Variants in SNCB observed in about 807,000 individuals in gnomAD.
SNCB encodes the protein beta-synuclein.
SNCB carries 8 observed loss-of-function variants against 20.0 expected under a neutral mutation model. The observed-to-expected ratio is 0.40, with a 90% CI of 0.24 to 0.72. The LOEUF is 0.72. SNCB is among the 30% of genes least tolerant of loss of function. The pLI, the probability that SNCB is intolerant of heterozygous loss-of-function variation, is 0.37. For synonymous variants in SNCB, 56 were observed against 65.4 expected, an observed-to-expected ratio of 0.86 and a Z score of 0.69; for missense variants, 125 against 168.0, an observed-to-expected ratio of 0.74 and a Z score of 1.41.
chr5:176,624,637 C>T (rs898367020), intron 4 of SNCB, among the ~76,000 whole-genome samples: 3 of 151,864 alleles, frequency 2.0e-5, no homozygotes, highest in Non-Finnish European at 4.4e-5. Context: ...CCCGTCTCTA[C>T]TAAAAATACA....
In SNCB at chr5:176,620,842, T is replaced by A. The variant is rs776851245; in HGVS notation, c.374A>T (p.Glu125Val). The stretch of plus-strand genomic sequence containing the variant: ...CTCTGGCTCATACTCCTGATATTCC[T>A]CCTGCATCACCGGGATGGGGGTGGA... ...EGESYEDPPQ[E>V]EYQEYEPEA Residue 125 changes from glutamate (E) to valine (V), a missense_variant and splice_region_variant, in exon 6 of 6, where the codon GAG becomes GTG. Coordinates refer to ENST00000393693, the MANE Select transcript of SNCB (RefSeq NM_003085.5). This position sits in a 1 kb window ranked among gnomAD's most constrained non-coding sequence, Gnocchi z 4.5. The A allele has an allele frequency of 6.2e-7, 1 of 1,613,646 alleles. No individual in the cohort carries two copies. The highest frequency in any genetic ancestry group is 1.7e-5 in the Admixed American group (1 of 60,010).
chr5:176,629,233 TAAC>T lies in SNCB; in HGVS notation c.121+298_121+300del, dbSNP rs1453362587. On this transcript the variant is annotated intron_variant, in intron 2 of 5. Transcript: ENST00000393693. This position sits in a 1 kb window ranked among gnomAD's most constrained non-coding sequence, Gnocchi z 4.1. ...CATACAGAAAGTGTTCAACACCAGA[TAAC>T]TATTAATAATGGTAAAAAAGATAAG... Among the ~76,000 whole-genome samples, 2 of 152,152 alleles carry T rather than the reference TAAC, an allele frequency of 1.3e-5. No individual in the cohort carries two copies. The highest frequency in any genetic ancestry group is 4.8e-5 in the African/African-American group (2 of 41,422).
In SNCB at chr5:176,629,309, C is replaced by G. The variant is rs1760178174; in HGVS notation, c.121+225G>C. On this transcript the variant is annotated intron_variant, in intron 2 of 5. Coordinates refer to ENST00000393693, the MANE Select transcript of SNCB (RefSeq NM_003085.5). The surrounding 1 kb of genome is among the most constrained non-coding windows in gnomAD (Gnocchi z 4.1). ...ATCACTGCACTGGTCCCTGGCCTTTCAGCTGGAGCCCCCCACCTCATCAGC... is the reference window on the plus strand; with the variant it reads ...ATCACTGCACTGGTCCCTGGCCTTTGAGCTGGAGCCCCCCACCTCATCAGC... 9 of 582,558 alleles carry G rather than the reference C, an allele frequency of 1.5e-5. 1 individual carries two copies. The South Asian group carries it at 1.7e-4, about 11-fold the overall frequency. 36.1% of individuals were successfully genotyped at this position (582,558 alleles called of 1,614,324 possible). A position where few individuals can be genotyped will look rare whatever the true frequency, so the allele number is the denominator to read the frequency against.
rs977568214 is a variant in SNCB at position 176,626,028 on chromosome 5, G to A, written c.282+370C>T. Among the ~76,000 whole-genome samples the A allele has an allele frequency of 1.5e-4, 23 of 152,082 alleles. 1 individual carries two copies. Among genetic ancestry groups the A allele is most frequent in the African/African-American group, 4.1e-4 (17 of 41,398 alleles). On this transcript the variant is annotated intron_variant, in intron 4 of 5. Coordinates refer to ENST00000393693, the MANE Select transcript of SNCB (RefSeq NM_003085.5). This position sits in a 1 kb window ranked among gnomAD's most constrained non-coding sequence, Gnocchi z 4.2. Reference sequence around the variant, plus strand: ...AGGAACGTAGGAACCTATTCACTGCGGCAGCCTCTACAACAATTCCTCTCT... The same window carrying A: ...AGGAACGTAGGAACCTATTCACTGCAGCAGCCTCTACAACAATTCCTCTCT...
Position 176,626,592 on chromosome 5 carries a change from A to G in SNCB, c.164-76T>C. On this transcript the variant is annotated intron_variant, in intron 3 of 5. Coordinates refer to ENST00000393693, the MANE Select transcript of SNCB (RefSeq NM_003085.5). The surrounding 1 kb of genome is among the most constrained non-coding windows in gnomAD (Gnocchi z 4.2). ...CCGATGCCCTGCCTTGTAGTATCCC[A>G]GGGCCTGCCCTCCCCACGGAGCATT... The G allele has an allele frequency of 6.6e-7, 1 of 1,507,190 alleles. No individual in the cohort carries two copies. The highest frequency in any genetic ancestry group is 9.2e-7 in the Non-Finnish European group (1 of 1,082,744). 93.4% of individuals were successfully genotyped at this position (1,507,190 alleles called of 1,614,324 possible).
rs184879046 is a variant in SNCB at position 176,620,707 on chromosome 5, G to A, written c.*104C>T. ...GGGGGTTGCCTCAGAGCGGAAGGAA[G>A]ATCTCGTGATTGGGGAGAAGGAGTC... On this transcript the variant is annotated 3_prime_UTR_variant, in exon 6 of 6. Transcript: ENST00000393693. This position sits in a 1 kb window ranked among gnomAD's most constrained non-coding sequence, Gnocchi z 4.5. The A allele has an allele frequency of 2.7e-4, 229 of 837,430 alleles. No individual in the cohort carries two copies. Among genetic ancestry groups the A allele is most frequent in the Middle Eastern group, 1.1e-3 (4 of 3,572 alleles). 51.9% of individuals were successfully genotyped at this position (837,430 alleles called of 1,614,324 possible). A position where few individuals can be genotyped will look rare whatever the true frequency, so the allele number is the denominator to read the frequency against.
intron 2 of SNCB, among the ~76,000 whole-genome samples, chr5:176,628,480 C>T: frequency 6.6e-6 from 1 of 152,198 alleles, no homozygotes; most frequent in East Asian, 1.9e-4. Flanking sequence ...ATGGCAGTCC[C>T]TTGCTTACAG....
intron 2 of SNCB, among the ~76,000 whole-genome samples, chr5:176,627,046 G>A (rs951739362): frequency 3.3e-5 from 5 of 152,206 alleles, no homozygotes; most frequent in Admixed American, 6.5e-5. Context: ...TGCCTGCCCC[G>A]CTGCACTTCA....
At chr5:176,625,446 TG>T (rs1256323991) in intron 4 of SNCB, among the ~76,000 whole-genome samples, 1 of 152,218 alleles carries the variant, frequency 6.6e-6, no homozygotes, top group Non-Finnish European at 1.5e-5. Flanking sequence ...ATCTCCAATC[TG>T]CATGAGATTC....
intron 2 of SNCB, among the ~76,000 whole-genome samples, chr5:176,628,984 C>A (rs1448607298): frequency 6.6e-6 from 1 of 152,006 alleles, no homozygotes; most frequent in Non-Finnish European, 1.5e-5. Context: ...ACCTGGAACG[C>A]AACTCAACTC....
At chr5:176,622,688 G>C (rs1759675135) in intron 4 of SNCB, among the ~76,000 whole-genome samples, 1 of 150,876 alleles carries the variant, frequency 6.6e-6, no homozygotes, top group African/African-American at 2.4e-5. Context: ...CTGATGAATG[G>C]AGGAAGCCAG....
At chr5:176,625,431 A>G (rs1434464632) in intron 4 of SNCB, among the ~76,000 whole-genome samples, 1 of 152,180 alleles carries the variant, frequency 6.6e-6, no homozygotes, top group Non-Finnish European at 1.5e-5. Flanking sequence ...GAGAATATCT[A>G]TATTATCTCC....
At position 176,629,815 on chromosome 5, in the gene SNCB, C is replaced by A; in HGVS notation, c.-9-152G>T. The A allele has an allele frequency of 9.2e-7, 1 of 1,083,178 alleles. No homozygotes were observed. The highest frequency in any genetic ancestry group is 1.7e-5 in the South Asian group (1 of 59,392). The allele number at this position is 1,083,178 out of a possible 1,614,324, so 67.1% of individuals were successfully genotyped here. On this transcript the variant is annotated intron_variant, in intron 1 of 5. Transcript: ENST00000393693. The surrounding 1 kb of genome is among the most constrained non-coding windows in gnomAD (Gnocchi z 4.1). ...CGCTTTCCCCCCATCCCACCCCACT[C>A]CCCAGTGCGAAGCCTCAGGGCCGCG...
At chr5:176,627,659 G>A (rs562909120) in intron 2 of SNCB, among the ~76,000 whole-genome samples, 2 of 83,664 alleles carry the variant, frequency 2.4e-5, no homozygotes, top group South Asian at 1.4e-3. Flanking sequence ...TGAGCCCGGC[G>A]GGGGGGTGGG....
chr5:176,629,396 A>G lies in SNCB; in HGVS notation c.121+138T>C, dbSNP rs761726948. The G allele has an allele frequency of 1.9e-5, 17 of 916,362 alleles. No homozygotes were observed. The highest frequency in any genetic ancestry group is 6.6e-5 in the African/African-American group (4 of 60,380). 56.8% of individuals were successfully genotyped at this position (916,362 alleles called of 1,614,324 possible). ...CTTCTATGGGCTGGCTATGTCCCCT[A>G]TGACCCCTGCTGACCTCGCCCCATC... On this transcript the variant is annotated intron_variant, in intron 2 of 5. Coordinates refer to ENST00000393693, the MANE Select transcript of SNCB (RefSeq NM_003085.5). This position sits in a 1 kb window ranked among gnomAD's most constrained non-coding sequence, Gnocchi z 4.1.
rs1362899558 is a variant in SNCB at position 176,626,533 on chromosome 5, G to A, written c.164-17C>T. On this transcript the variant is annotated splice_polypyrimidine_tract_variant and intron_variant, in intron 3 of 5. Coordinates refer to ENST00000393693, the MANE Select transcript of SNCB (RefSeq NM_003085.5). The surrounding 1 kb of genome is among the most constrained non-coding windows in gnomAD (Gnocchi z 4.2). ...TTTCAGCCACTGGAGCAGGGAGGGGGTTGAGGAAGGGGTTTGGGAGCCAGG... is the reference window on the plus strand; with the variant it reads ...TTTCAGCCACTGGAGCAGGGAGGGGATTGAGGAAGGGGTTTGGGAGCCAGG... 6 of 1,597,076 alleles carry A rather than the reference G, an allele frequency of 3.8e-6. No individual in the cohort carries two copies. The highest frequency in any genetic ancestry group is 1.1e-5 in the South Asian group (1 of 90,724).
rs576299160 is a variant in SNCB at position 176,626,220 on chromosome 5, G to A, written c.282+178C>T. Among the ~76,000 whole-genome samples the A allele has an allele frequency of 5.3e-5, 8 of 152,248 alleles. No homozygotes were observed. In the South Asian group the frequency reaches 1.2e-3, roughly 24 times the overall value. On this transcript the variant is annotated intron_variant, in intron 4 of 5. Transcript: ENST00000393693. This position sits in a 1 kb window ranked among gnomAD's most constrained non-coding sequence, Gnocchi z 4.2. The stretch of plus-strand genomic sequence containing the variant: ...CACCCATGCACGCCTTTATTCAGAT[G>A]CATTCTGAGCTGAGTCTAGCACGGG...
At chr5:176,628,939 C>T (rs1345542399) in intron 2 of SNCB, among the ~76,000 whole-genome samples, 1 of 152,040 alleles carries the variant, frequency 6.6e-6, no homozygotes, top group East Asian at 1.9e-4. Context: ...AGAGAGCTGG[C>T]AAAGGTAAAA....
chr5:176,626,640 C>A lies in SNCB; in HGVS notation c.163+80G>T. ...ATTCCCGCAGAAGCCTTGGGAGTCT[C>A]CCCCGCCCCCGCCCTCTGGTTCCCG... is the stretch of plus-strand genomic sequence containing the variant. On this transcript the variant is annotated intron_variant, in intron 3 of 5. Coordinates refer to ENST00000393693, the MANE Select transcript of SNCB (RefSeq NM_003085.5). The surrounding 1 kb of genome is among the most constrained non-coding windows in gnomAD (Gnocchi z 4.2). 1 of 1,558,460 alleles carries A rather than the reference C, an allele frequency of 6.4e-7. No individual in the cohort carries two copies. The highest frequency in any genetic ancestry group is 1.1e-5 in the South Asian group (1 of 89,950).
Sources: gnomAD v4.1 joint callset for allele counts (sites outside exome capture counted in the v4.1 genomes callset) on GRCh38, gnomAD v4.1.1 for gene constraint, Gnocchi (gnomAD v3.1) non-coding constraint, MANE v1.5 for transcripts, NCBI Gene and HGNC (gene_info 2026-07-23, HGNC 2026-07-21) for gene names.